PDE3A: variants seen among roughly 807,000 people sequenced by gnomAD.
PDE3A encodes the protein cGMP-inhibited 3',5'-cyclic phosphodiesterase 3A.
In PDE3A, 43 loss-of-function variants were observed where a neutral mutation model predicts 98.3. The ratio of observed to expected loss-of-function variants is 0.44; its 90% CI spans 0.34 to 0.56. The LOEUF (loss-of-function observed/expected upper bound fraction) is 0.56. Among genes scored for constraint, PDE3A ranks in the 20% least tolerant of loss-of-function variants. The pLI is 0.01. For missense variants in PDE3A, 1,427 were observed against 1,440.7 expected (o/e 0.99, Z 0.15); for synonymous variants, 663 against 567.9 (o/e 1.17, Z -2.38).
intron 1 of PDE3A, among the ~76,000 whole-genome samples, chr12:20,459,549 G>A (rs1383402281): frequency 1.3e-5 from 2 of 151,994 alleles, no homozygotes; most frequent in Non-Finnish European, 2.9e-5. Flanking sequence ...AGTGATATAT[G>A]AAGAAAAAAT....
intron 2 of PDE3A, among the ~76,000 whole-genome samples, chr12:20,612,742 T>A (rs1943901324): frequency 6.9e-6 from 1 of 144,564 alleles, no homozygotes; most frequent in Non-Finnish European, 1.5e-5. Context: ...AGTAATATAG[T>A]TACTTATATA....
At chr12:20,433,463 TG>T (rs1411490183) in intron 1 of PDE3A, among the ~76,000 whole-genome samples, 1 of 152,144 alleles carries the variant, frequency 6.6e-6, no homozygotes, top group African/African-American at 2.4e-5. Flanking sequence ...TGTATTATCT[TG>T]GGTACTGCTT....
chr12:20,631,724 TAGC>T (rs1944383720), intron 6 of PDE3A, among the ~76,000 whole-genome samples: 4 of 150,586 alleles, frequency 2.7e-5, no homozygotes. Context: ...TTTGTATTCT[TAGC>T]AGGAAGAATG....
intron 1 of PDE3A, among the ~76,000 whole-genome samples, chr12:20,422,081 T>C (rs1199218777): frequency 1.3e-5 from 2 of 152,228 alleles, no homozygotes; most frequent in African/African-American, 4.8e-5. Flanking sequence ...GCGCAATGGC[T>C]CACGCCTGTA....
At chr12:20,383,368 C>T (rs1943695230) in intron 1 of PDE3A, among the ~76,000 whole-genome samples, 1 of 151,876 alleles carries the variant, frequency 6.6e-6, no homozygotes, top group Non-Finnish European at 1.5e-5. Flanking sequence ...CCATTATTCT[C>T]AAATGACAGG....
chr12:20,530,589 C>A (rs967395075), intron 1 of PDE3A, among the ~76,000 whole-genome samples: 5 of 151,688 alleles, frequency 3.3e-5, no homozygotes, highest in African/African-American at 7.3e-5. Context: ...CTCAGCCACA[C>A]TCTGCGTAGC....
chr12:20,541,411 TTA>T (rs1941906721), intron 1 of PDE3A, among the ~76,000 whole-genome samples: 1 of 151,960 alleles, frequency 6.6e-6, no homozygotes, highest in Non-Finnish European at 1.5e-5. Context: ...ACCCCTCTAT[TTA>T]TTTAGTTTTT....
chr12:20,531,471 T>C (rs1341649003), intron 1 of PDE3A, among the ~76,000 whole-genome samples: 1 of 152,206 alleles, frequency 6.6e-6, no homozygotes, highest in Non-Finnish European at 1.5e-5. Flanking sequence ...ACAATCATTA[T>C]ATTAGATAAG....
chr12:20,557,038 A>G (rs1336864806), intron 2 of PDE3A: 1 of 261,474 alleles, frequency 3.8e-6, no homozygotes, highest in Admixed American at 5.5e-5. Flanking sequence ...TTTTCCGTGT[A>G]TTTTCTTTTT....
At chr12:20,400,021 C>T (rs914668466) in intron 1 of PDE3A, among the ~76,000 whole-genome samples, 5 of 152,186 alleles carry the variant, frequency 3.3e-5, no homozygotes, top group Non-Finnish European at 5.9e-5. Context: ...CCTCTGCTTG[C>T]AGTGTTTGCA....
intron 1 of PDE3A, among the ~76,000 whole-genome samples, chr12:20,492,580 G>T (rs1945848071): frequency 6.6e-6 from 1 of 152,184 alleles, no homozygotes; most frequent in Non-Finnish European, 1.5e-5. Flanking sequence ...GGCACGAGGA[G>T]AGGGAGGTGT....
In PDE3A at chr12:20,685,886, CAA is replaced by C. The variant is rs1484681086; in HGVS notation, c.*5617_*5618del. The stretch of plus-strand genomic sequence containing the variant: ...AATAATTCAATAACCAAAAATGCTT[CAA>C]AGAGTAATAATAAATCACCATAGGT... On this transcript the variant is annotated 3_prime_UTR_variant, in exon 16 of 16. Transcript: ENST00000359062. Among the ~76,000 whole-genome samples the C allele has an allele frequency of 6.6e-6, 1 of 152,026 alleles. No homozygotes were observed. The highest frequency in any genetic ancestry group is 1.5e-5 in the Non-Finnish European group (1 of 67,998).
chr12:20,637,155 T>C lies in PDE3A; in HGVS notation c.2057T>C (p.Met686Thr). ...PLVMDNLDSI[M>T]EQLNTWNFPI... ...GTCATGGATAACCTGGACTCAATTA[T>C]GGAGCAGCTAAATACTTGGAATTTT... Residue 686 changes from methionine (M) to threonine (T), a missense_variant, in exon 9 of 16, where the codon ATG (methionine) becomes ACG (threonine). Transcript: ENST00000359062. 1 of 1,610,506 alleles carries C rather than the reference T, an allele frequency of 6.2e-7. No individual in the cohort carries two copies. The highest frequency in any genetic ancestry group is 8.5e-7 in the Non-Finnish European group (1 of 1,177,300).
chr12:20,542,630 A>G lies in PDE3A; in HGVS notation c.961-14030A>G, dbSNP rs577188231. On this transcript the variant is annotated intron_variant, in intron 1 of 15. Transcript: ENST00000359062. ...ATGCAATACATCACAATGTTTGATA[A>G]ATAAAAATAAAAACCGTTAAACCTA... Among the ~76,000 whole-genome samples, 241 of 152,202 alleles carry G rather than the reference A, an allele frequency of 1.6e-3. 3 individuals are homozygous for G. Among genetic ancestry groups the G allele is most frequent in the African/African-American group, 5.5e-3 (229 of 41,564 alleles).
At chr12:20,501,746 T>A (rs1946028779) in intron 1 of PDE3A, among the ~76,000 whole-genome samples, 1 of 152,180 alleles carries the variant, frequency 6.6e-6, no homozygotes, top group Admixed American at 6.5e-5. Context: ...TTCAAGTTAG[T>A]TTGATGCTGT....
intron 1 of PDE3A, among the ~76,000 whole-genome samples, chr12:20,517,008 G>A (rs1278287563): frequency 1.3e-5 from 2 of 152,180 alleles, no homozygotes; most frequent in African/African-American, 4.8e-5. Flanking sequence ...AGCCCCAGGA[G>A]AGCACAAGAT....
At chr12:20,505,191 C>T (rs998664558) in intron 1 of PDE3A, among the ~76,000 whole-genome samples, 3 of 152,064 alleles carry the variant, frequency 2.0e-5, no homozygotes, top group African/African-American at 7.2e-5. Context: ...TACTTGAGAT[C>T]CTGGTACAGT....
chr12:20,679,329 G>A lies in PDE3A; in HGVS notation c.3185-701G>A, dbSNP rs373334188. ...GTGGCTCTATCTCAGCTCACTGCAA[G>A]CTCCGCCTCCTGGGTTCACACCATT... On this transcript the variant is annotated intron_variant, in intron 15 of 15. Coordinates refer to ENST00000359062, the MANE Select transcript of PDE3A (RefSeq NM_000921.5). 2.6e-4 allele frequency among the ~76,000 whole-genome samples: 39 copies of A among 152,220 alleles called. No homozygotes were observed. The East Asian group carries it at 4.6e-3, about 18-fold the overall frequency.
intron 2 of PDE3A, among the ~76,000 whole-genome samples, chr12:20,568,829 G>A (rs2121304710): frequency 6.6e-6 from 1 of 152,018 alleles, no homozygotes; most frequent in African/African-American, 2.4e-5. Context: ...GGAATTTAGA[G>A]AATATGGATA....
Sources: gnomAD v4.1 joint callset for allele counts (sites outside exome capture counted in the v4.1 genomes callset) on GRCh38, gnomAD v4.1.1 for gene constraint, MANE v1.5 for transcripts, NCBI Gene and HGNC (gene_info 2026-07-23, HGNC 2026-07-21) for gene names.